The following RBL2 variants were observed in gnomAD, a reference collection of about 807,000 sequenced individuals.
RBL2 encodes retinoblastoma-like protein 2.
Under a neutral mutation model 126.0 loss-of-function variants are expected in RBL2, and 56 were observed. That is an observed-to-expected ratio of 0.44 (90% confidence interval 0.36 to 0.56). The LOEUF (loss-of-function observed/expected upper bound fraction) is 0.56. Ranked by LOEUF, RBL2 falls within the 20% of genes least tolerant of loss-of-function variation. The pLI is 0.00. For missense variants in RBL2, 1,229 were observed against 1,398.2 expected, an observed-to-expected ratio of 0.88 and a Z score of 1.93; for synonymous variants, 454 against 478.5, an observed-to-expected ratio of 0.95 and a Z score of 0.67.
Position 53,470,006 on chromosome 16 carries a change from C to G in RBL2, c.2066C>G (p.Pro689Arg). 1 of 1,614,194 alleles carries G rather than the reference C, an allele frequency of 6.2e-7. No individual in the cohort carries two copies. ...CGGCTATTTGTTGAGAATGATAGCCCCTCTGATGGAGGGACGCCTGGGCGC... is the reference window on the plus strand; with the variant it reads ...CGGCTATTTGTTGAGAATGATAGCCGCTCTGATGGAGGGACGCCTGGGCGC... ...RRRLFVENDSPSDGGTPGRMP... is the reference protein window; with the variant it reads ...RRRLFVENDSRSDGGTPGRMP... Residue 689 changes from proline to arginine, a missense_variant, in exon 15 of 22, where the codon CCC (proline) becomes CGC (arginine). Pro to Arg is a moderately radical substitution (Grantham distance 103). This residue lies in a region of RBL2 where 1,070 missense variants were observed against 1,274.3 expected (regional missense o/e 0.84). Transcript: ENST00000262133.
intron 11 of RBL2, among the ~76,000 whole-genome samples, chr16:53,463,015 A>G (rs1005175187): frequency 6.6e-6 from 1 of 151,732 alleles, no homozygotes. Flanking sequence ...TCATTTTTGT[A>G]TTTTTCGTAG....
At chr16:53,466,186 G>A (rs1009787987) in intron 13 of RBL2, 1 of 152,288 alleles carries the variant, frequency 6.6e-6, no homozygotes, top group African/African-American at 2.4e-5. Flanking sequence ...AAGAGGAAAC[G>A]AGTCAGATAA....
chr16:53,454,809 G>A lies in RBL2; in HGVS notation c.1146G>A (p.Gln382=), dbSNP rs2058151411. Residue 382 remains glutamine, a synonymous_variant, in exon 8 of 22, where the codon CAG becomes CAA. Transcript: ENST00000262133. ...GSGTETAERV[Q]MKNILQQHFD... is the part of the protein sequence containing the mutation. ...GAACAGAGACTGCTGAAAGGGTGCA[G>A]ATGAAAAACATCTTACAGCAGCATT... is the stretch of plus-strand genomic sequence containing the variant. The A allele has an allele frequency of 6.2e-7, 1 of 1,613,388 alleles. No individual in the cohort carries two copies. The highest frequency in any genetic ancestry group is 1.7e-5 in the Admixed American group (1 of 59,894).
At chr16:53,482,533 G>A (rs1013391231) in intron 21 of RBL2, among the ~76,000 whole-genome samples, 14 of 152,174 alleles carry the variant, frequency 9.2e-5, no homozygotes, top group Non-Finnish European at 1.6e-4. Context: ...TTAGAGGCTG[G>A]GCGTTGTGGC....
chr16:53,491,447 TATTAGGGAGAAA>T lies in RBL2; in HGVS notation c.*1151_*1162del, dbSNP rs1961450296. 6.6e-6 allele frequency: 1 copy of T among 152,584 alleles called. No homozygotes were observed. Among genetic ancestry groups the T allele is most frequent in the East Asian group, 1.9e-4 (1 of 5,192 alleles). 9.5% of individuals were successfully genotyped at this position (152,584 alleles called of 1,614,324 possible). A position where few individuals can be genotyped will look rare whatever the true frequency, so the allele number is the denominator to read the frequency against. ...AGTTTTCAAGTCAAATTAATAATCTTATTAGGGAGAAAATTCAATTGTAAATTGAATCAGTAT... is the reference window on the plus strand; with the variant it reads ...AGTTTTCAAGTCAAATTAATAATCTTATTCAATTGTAAATTGAATCAGTAT... On this transcript the variant is annotated 3_prime_UTR_variant, in exon 22 of 22. Transcript: ENST00000262133.
At chr16:53,464,479 G>C in intron 12 of RBL2, 116 bp downstream of exon 12, 1 of 904,870 alleles carries the variant, frequency 1.1e-6, no homozygotes, top group Non-Finnish European at 1.6e-6. Context: ...TATTTACATA[G>C]TTAATCTCTA....
chr16:53,461,179 G>A (rs2058216093), intron 9 of RBL2, among the ~76,000 whole-genome samples: 1 of 152,232 alleles, frequency 6.6e-6, no homozygotes, highest in East Asian at 1.9e-4. Context: ...GGCCAAGGTT[G>A]CTAAACTTCC....
Position 53,479,874 on chromosome 16 carries a change from G to A in RBL2, c.2776-12G>A, listed in dbSNP as rs1295692398. 7.1e-6 allele frequency: 11 copies of A among 1,541,320 alleles called. No individual in the cohort carries two copies. The highest frequency in any genetic ancestry group is 2.2e-5 in the East Asian group (1 of 44,536). ...TACTAGTTTATGTCCCCTTCTCATT[G>A]TTTCTCTAAAGGTGTATAGAAGTGT... is the stretch of plus-strand genomic sequence containing the variant. On this transcript the variant is annotated splice_polypyrimidine_tract_variant and intron_variant, in intron 18 of 21. Coordinates refer to ENST00000262133, the MANE Select transcript of RBL2 (RefSeq NM_005611.4).
At chr16:53,450,426 A>G (rs2153140628) in intron 4 of RBL2, among the ~76,000 whole-genome samples, 1 of 152,272 alleles carries the variant, frequency 6.6e-6, no homozygotes, top group South Asian at 2.1e-4. Flanking sequence ...CTTCATATGT[A>G]TGTTAGCTAT....
intron 2 of RBL2, among the ~76,000 whole-genome samples, chr16:53,439,407 G>A (rs2057992593): frequency 6.6e-6 from 1 of 152,064 alleles, no homozygotes; most frequent in African/African-American, 2.4e-5. Flanking sequence ...TTAAAGTTTA[G>A]GACATTGTGT....
chr16:53,469,260 C>T (rs981360040), intron 14 of RBL2, among the ~76,000 whole-genome samples: 5 of 151,866 alleles, frequency 3.3e-5, no homozygotes, highest in Non-Finnish European at 7.4e-5. Context: ...ACAATTTGCC[C>T]CAAACCATTG....
At position 53,480,640 on chromosome 16, in the gene RBL2, C is replaced by T. The variant is rs1960905786; in HGVS notation, c.2955C>T (p.Pro985=). 6.2e-7 allele frequency: 1 copy of T among 1,613,996 alleles called. No homozygotes were observed. The highest frequency in any genetic ancestry group is 8.5e-7 in the Non-Finnish European group (1 of 1,180,004). Residue 985 remains proline, a synonymous_variant, in exon 20 of 22, where the codon CCC becomes CCT. Coordinates refer to ENST00000262133, the MANE Select transcript of RBL2 (RefSeq NM_005611.4). The part of the protein sequence containing the change: ...LPVPQPSSAP[P]TPTRLTGANS... ...TTCCACAGCCCAGCAGTGCTCCTCCCACACCTACTCGCCTCACAGGTGCCA... is the reference window on the plus strand; with the variant it reads ...TTCCACAGCCCAGCAGTGCTCCTCCTACACCTACTCGCCTCACAGGTGCCA...
In RBL2 at chr16:53,454,686, T is replaced by C. The variant is rs759771984; in HGVS notation, c.1023T>C (p.Tyr341=). Residue 341 remains tyrosine, a synonymous_variant, in exon 8 of 22, where the codon TAT becomes TAC. Coordinates refer to ENST00000262133, the MANE Select transcript of RBL2 (RefSeq NM_005611.4). ...FKAINKAYEE[Y]VLSVGNLDER... Reference sequence around the variant, plus strand: ...CCATCAATAAGGCCTATGAGGAGTATGTTTTATCTGTTGGGAATTTAGATG... The same window carrying C: ...CCATCAATAAGGCCTATGAGGAGTACGTTTTATCTGTTGGGAATTTAGATG... 1.9e-6 allele frequency: 3 copies of C among 1,613,870 alleles called. No individual in the cohort carries two copies. Among genetic ancestry groups the C allele is most frequent in the Admixed American group, 3.3e-5 (2 of 60,008 alleles).
intron 17 of RBL2, among the ~76,000 whole-genome samples, chr16:53,474,645 G>A (rs1960657859): frequency 6.6e-6 from 1 of 152,098 alleles, no homozygotes; most frequent in African/African-American, 2.4e-5. Context: ...TGCTAGGTTT[G>A]GTTTGCCAAC....
rs564124947 is a variant in RBL2, at chr16:53,485,985, A to G, written c.3250-4145A>G. 5.9e-5 allele frequency among the ~76,000 whole-genome samples: 9 copies of G among 152,220 alleles called. No homozygotes were observed. In the East Asian group the frequency reaches 1.7e-3, roughly 29 times the overall value. On this transcript the variant is annotated intron_variant, in intron 21 of 21. Coordinates refer to ENST00000262133, the MANE Select transcript of RBL2 (RefSeq NM_005611.4). ...ACTAGTATACATTAAAAGTATAATG[A>G]AAGATAAAGAACAACGTAATGCCAG...
chr16:53,469,942 G>A lies in RBL2; in HGVS notation c.2002G>A (p.Asp668Asn), dbSNP rs1157294575. The A allele has an allele frequency of 3.1e-6, 5 of 1,598,076 alleles. No homozygotes were observed. The highest frequency in any genetic ancestry group is 2.2e-5 in the East Asian group (1 of 44,668). The change falls in exon 15 of 22, where the codon GAT (aspartate) becomes AAT (asparagine). Residue 668 changes from aspartate (D) to asparagine (N), a missense_variant. Around this residue, in one of 2 missense-constraint regions of RBL2, gnomAD observed 1,070 missense variants for 1,274.3 expected, o/e 0.84. Coordinates refer to ENST00000262133, the MANE Select transcript of RBL2 (RefSeq NM_005611.4). ...RSITSPTTLY[D>N]RYSSPPASTT... is the part of the protein sequence containing the mutation. Reference sequence around the variant, plus strand: ...CATAACATCTCCAACCACATTATACGATAGGTACAGCTCCCCACCAGCCAG... The same window carrying A: ...CATAACATCTCCAACCACATTATACAATAGGTACAGCTCCCCACCAGCCAG...
chr16:53,434,649 G>A lies in RBL2; in HGVS notation c.93G>A (p.Ala31=), dbSNP rs780453692. 3 of 1,563,898 alleles carry A rather than the reference G, an allele frequency of 1.9e-6. No individual in the cohort carries two copies. Among genetic ancestry groups the A allele is most frequent in the Middle Eastern group, 1.8e-4 (1 of 5,688 alleles). The change falls in exon 1 of 22, where the codon GCG becomes GCA. Residue 31 remains alanine, a synonymous_variant. Transcript: ENST00000262133. Reference sequence around the variant, plus strand: ...AGGAGGAGGAGGACGACGGCGAGGCGGAAGACGCCGCGCCGCCTGCCGAGT... The same window carrying A: ...AGGAGGAGGAGGACGACGGCGAGGCAGAAGACGCCGCGCCGCCTGCCGAGT... ...SDEEEEDDGE[A]EDAAPPAESP...
chr16:53,483,037 TAA>T (rs1567748173), intron 21 of RBL2, among the ~76,000 whole-genome samples: 1 of 152,114 alleles, frequency 6.6e-6, no homozygotes, highest in East Asian at 1.9e-4. Context: ...TATTTTTTTT[TAA>T]AAGTTTCTTT....
rs1384724542 is a variant in RBL2, at chr16:53,434,526, C to G, written c.-31C>G. 1 of 1,417,046 alleles carries G rather than the reference C, an allele frequency of 7.1e-7. No individual in the cohort carries two copies. Among genetic ancestry groups the G allele is most frequent in the East Asian group, 2.8e-5 (1 of 35,224 alleles). The allele number at this position is 1,417,046 out of a possible 1,614,324, so 87.8% of individuals were successfully genotyped here. On this transcript the variant is annotated 5_prime_UTR_variant, in exon 1 of 22. Transcript: ENST00000262133. The stretch of plus-strand genomic sequence containing the variant: ...TGGCTGCGGGCCCGGGCCCTCACCT[C>G]ACCTGAGGTCCGGCCGCCCAGGGGT...
Sources: gnomAD v4.1 joint callset for allele counts (sites outside exome capture counted in the v4.1 genomes callset) on GRCh38, gnomAD v4.1.1 for gene constraint, gnomAD v4.1.1 regional missense constraint, MANE v1.5 for transcripts, NCBI Gene and HGNC (gene_info 2026-07-23, HGNC 2026-07-21) for gene names.